NKD1: variants seen among roughly 807,000 people sequenced by gnomAD.
NKD1 encodes protein naked cuticle homolog 1.
A neutral mutation model predicts 56.0 loss-of-function variants in NKD1; 21 were observed. The observed-to-expected ratio is 0.38, with a 90% CI of 0.27 to 0.54. NKD1 has a LOEUF of 0.54. Among genes scored for constraint, NKD1 ranks in the 20% least tolerant of loss-of-function variants. NKD1 has a pLI of 0.82. For synonymous variants in NKD1, 263 were observed against 265.7 expected (o/e 0.99, Z 0.10); for missense variants, 578 against 642.7 (o/e 0.90, Z 1.09).
At chr16:50,562,390 T>C (rs185543401) in intron 3 of NKD1, 4 of 460,236 alleles carry the variant, frequency 8.7e-6, no homozygotes, top group Middle Eastern at 1.1e-3. Flanking sequence ...AATTTTGCTT[T>C]TCATTTTGTA....
At chr16:50,596,547 G>A (rs558456035) in intron 3 of NKD1, among the ~76,000 whole-genome samples, 5 of 152,316 alleles carry the variant, frequency 3.3e-5, no homozygotes, top group South Asian at 2.1e-4. Flanking sequence ...GTGGAAACAC[G>A]TGCAGATAAT....
At chr16:50,614,090 C>T (rs1028877994) in intron 4 of NKD1, among the ~76,000 whole-genome samples, 3 of 152,126 alleles carry the variant, frequency 2.0e-5, no homozygotes, top group African/African-American at 7.2e-5. Context: ...TTTCTGGTCT[C>T]AGGAAGGGGC....
chr16:50,621,580 C>G (rs543033267), intron 4 of NKD1, 22 bp from the exon 5 acceptor site: 8 of 1,585,748 alleles, frequency 5.0e-6, no homozygotes, highest in Admixed American at 5.0e-5. Flanking sequence ...TCCTAATGCT[C>G]CCTCGCCTGC....
intron 3 of NKD1, chr16:50,575,173 C>T: frequency 3.0e-6 from 3 of 985,178 alleles, no homozygotes; most frequent in Non-Finnish European, 3.6e-6. Context: ...CCTAGTAACC[C>T]AGATTTTCGC....
intron 3 of NKD1, among the ~76,000 whole-genome samples, chr16:50,570,662 G>A (rs1223780311): frequency 3.9e-5 from 6 of 152,320 alleles, no homozygotes; most frequent in South Asian, 2.1e-4. Context: ...ACTTAGCTCC[G>A]TAGCTAGCCA....
chr16:50,572,530 G>A (rs1018115527), intron 3 of NKD1, among the ~76,000 whole-genome samples: 1 of 152,114 alleles, frequency 6.6e-6, no homozygotes, highest in African/African-American at 2.4e-5. Context: ...CGTGTGTTAC[G>A]TGGGCCTGGC....
At chr16:50,611,923 AT>A (rs1236115752) in intron 4 of NKD1, among the ~76,000 whole-genome samples, 1 of 152,032 alleles carries the variant, frequency 6.6e-6, no homozygotes, top group Admixed American at 6.5e-5. Flanking sequence ...AGCTGCCATG[AT>A]TCTTGTTTCC....
At chr16:50,619,048 C>T (rs2151278227) in intron 4 of NKD1, among the ~76,000 whole-genome samples, 1 of 152,296 alleles carries the variant, frequency 6.6e-6, no homozygotes, top group Non-Finnish European at 1.5e-5. Context: ...AACATTGAAC[C>T]TGAAGGTGGT....
intron 3 of NKD1, among the ~76,000 whole-genome samples, chr16:50,567,705 A>G (rs1960792176): frequency 1.3e-5 from 2 of 152,288 alleles, no homozygotes; most frequent in South Asian, 4.1e-4. Flanking sequence ...GATCCCAGCC[A>G]TGGCTCCGCT....
At chr16:50,566,953 A>G (rs1960772112) in intron 3 of NKD1, among the ~76,000 whole-genome samples, 1 of 151,898 alleles carries the variant, frequency 6.6e-6, no homozygotes, top group Non-Finnish European at 1.5e-5. Context: ...CGTCATTCCA[A>G]TTTCAGGGCA....
At chr16:50,614,730 G>A (rs977791394) in intron 4 of NKD1, among the ~76,000 whole-genome samples, 4 of 152,178 alleles carry the variant, frequency 2.6e-5, no homozygotes, top group Non-Finnish European at 5.9e-5. Context: ...AGAAATGCCT[G>A]TATTTCCCCT....
intron 4 of NKD1, chr16:50,613,728 CAT>C (rs1041529287): frequency 1.1e-4 from 13 of 121,968 alleles, no homozygotes; most frequent in African/African-American, 3.8e-4. Context: ...AATTTCATCA[CAT>C]GTTTTAACTT....
At chr16:50,578,492 T>G (rs888074197) in intron 3 of NKD1, among the ~76,000 whole-genome samples, 1 of 152,124 alleles carries the variant, frequency 6.6e-6, no homozygotes, top group African/African-American at 2.4e-5. Context: ...GGCTTCTGCT[T>G]CTTCAGCTGG....
At position 50,636,277 on chromosome 16, in the gene NKD1, G is replaced by C. The variant is rs1962466758; in HGVS notation, c.*2496G>C. On this transcript the variant is annotated 3_prime_UTR_variant, in exon 10 of 10. Transcript: ENST00000268459. ...CAACCCTGGAGGCCAGCCCGGAGTT[G>C]AGACTACTGGTTTTAGAGCAGTTCC... The C allele has an allele frequency of 6.6e-6, 1 of 152,194 alleles. No individual in the cohort carries two copies. Among genetic ancestry groups the C allele is most frequent in the South Asian group, 2.1e-4 (1 of 4,826 alleles). The allele number at this position is 152,194 out of a possible 1,614,324, so 9.4% of individuals were successfully genotyped here. A position where few individuals can be genotyped will look rare whatever the true frequency, so the allele number is the denominator to read the frequency against.
chr16:50,575,095 G>GTTT (rs113190052), intron 3 of NKD1: 70 of 811,968 alleles, frequency 8.6e-5, no homozygotes, highest in Non-Finnish European at 1.0e-4. Context: ...GTAAGTAGGT[G>GTTT]TTTTTTTTTT....
chr16:50,599,242 G>A (rs940288380), intron 3 of NKD1, among the ~76,000 whole-genome samples: 1 of 152,160 alleles, frequency 6.6e-6, no homozygotes, highest in Non-Finnish European at 1.5e-5. Flanking sequence ...GGTGACAGCT[G>A]TGACTTGGGA....
chr16:50,607,238 T>G, intron 3 of NKD1: 1 of 349,280 alleles, frequency 2.9e-6, no homozygotes, highest in South Asian at 2.2e-5. Flanking sequence ...AGCAAGAGGC[T>G]TACCTCCAGC....
intron 6 of NKD1, among the ~76,000 whole-genome samples, chr16:50,628,686 A>G (rs1162747444): frequency 6.6e-6 from 1 of 152,180 alleles, no homozygotes; most frequent in Non-Finnish European, 1.5e-5. Flanking sequence ...GGGGTACCTG[A>G]GGCTCGGAGA....
At chr16:50,560,734 A>G (rs1960605364) in intron 3 of NKD1, among the ~76,000 whole-genome samples, 2 of 151,852 alleles carry the variant, frequency 1.3e-5, no homozygotes, top group Non-Finnish European at 1.5e-5. Flanking sequence ...AACATTATAT[A>G]TAGTAAGAGT....
Sources: allele counts gnomAD v4.1 joint callset (sites outside exome capture counted in the v4.1 genomes callset), GRCh38; gene constraint gnomAD v4.1.1; transcripts MANE v1.5; gene names NCBI Gene and HGNC (gene_info 2026-07-23, HGNC 2026-07-21).